Variants in CLEC2A observed in about 807,000 individuals in gnomAD.
The protein encoded by CLEC2A is C-type lectin domain family 2 member A.
In CLEC2A, 19 loss-of-function variants were observed where a neutral mutation model predicts 18.6. That is an observed-to-expected ratio of 1.02 (90% CI 0.71 to 1.50). CLEC2A has a LOEUF of 1.50. Ranked by LOEUF, CLEC2A falls within the 40% of genes most tolerant of loss-of-function variation. The pLI is 0.00. For missense variants in CLEC2A, 190 were observed against 207.9 expected (o/e 0.91, Z 0.53); for synonymous variants, 74 against 64.0 (o/e 1.16, Z -0.75).
At chr12:9,910,728 G>C (rs1862972047), downstream of CLEC2A, among the ~76,000 whole-genome samples, 1 of 126,582 alleles carries the variant, frequency 7.9e-6, no homozygotes, top group East Asian at 1.9e-4. Flanking sequence ...TGCCGTGGTA[G>C]GTAGGTAAGA....
chr12:9,890,642 A>G, the CLEC2A span, among the ~76,000 whole-genome samples: 3 of 152,344 alleles, frequency 2.0e-5, no homozygotes, highest in Non-Finnish European at 4.4e-5. Context: ...ATGGACTTAC[A>G]TCTGATTAAG....
At position 9,913,470 on chromosome 12, in the gene CLEC2A, G is replaced by C; in HGVS notation, c.*96C>G. On this transcript the variant is annotated 3_prime_UTR_variant, in exon 5 of 5. Transcript: ENST00000455827. ...AAAATGGGCCCTCACCAGAGGTTCC[G>C]TATTCTGTAACAGAATAAGTGAGAA... The C allele has an allele frequency of 6.9e-7, 1 of 1,453,844 alleles. No homozygotes were observed. Among genetic ancestry groups the C allele is most frequent in the Non-Finnish European group, 9.0e-7 (1 of 1,110,774 alleles). 90.1% of individuals were successfully genotyped at this position (1,453,844 alleles called of 1,614,324 possible).
At chr12:9,922,900 C>T (rs1356178868) in intron 2 of CLEC2A, among the ~76,000 whole-genome samples, 17 of 152,188 alleles carry the variant, frequency 1.1e-4, no homozygotes, top group Admixed American at 1.1e-3. Flanking sequence ...CCAAAGGCTG[C>T]ACCCCCTACT....
chr12:9,881,968 C>T, the CLEC2A span, among the ~76,000 whole-genome samples: 62 of 151,946 alleles, frequency 4.1e-4, no homozygotes, highest in African/African-American at 1.5e-3. Context: ...CTTCCTCCTA[C>T]AAAACTTAAA....
At position 9,913,515 on chromosome 12, in the gene CLEC2A, G is replaced by C; in HGVS notation, c.*51C>G. 6.6e-7 allele frequency: 1 copy of C among 1,517,354 alleles called. No individual in the cohort carries two copies. Among genetic ancestry groups the C allele is most frequent in the South Asian group, 1.3e-5 (1 of 79,190 alleles). 94.0% of individuals were successfully genotyped at this position (1,517,354 alleles called of 1,614,324 possible). ...TGAGAAAGCCACTTTTGCATAATTA[G>C]CTCTTCTTTCAATCTTGAAGTGTGA... On this transcript the variant is annotated 3_prime_UTR_variant, in exon 5 of 5. Coordinates refer to ENST00000455827, the MANE Select transcript of CLEC2A (RefSeq NM_001130711.2).
exon 5 of CLEC2A, chr12:9,898,943 G>C: frequency 2.8e-6 from 2 of 716,178 alleles, no homozygotes. Flanking sequence ...ATTGTCGGAG[G>C]CTCCAGTTGC....
At chr12:9,926,626 A>T (rs569708538) in intron 1 of CLEC2A, among the ~76,000 whole-genome samples, 9 of 152,330 alleles carry the variant, frequency 5.9e-5, no homozygotes, top group East Asian at 5.8e-4. Context: ...TAAAAGGTAG[A>T]AATAGTTTGA....
chr12:9,917,891 T>G (rs1284601719), intron 3 of CLEC2A, among the ~76,000 whole-genome samples: 1 of 152,180 alleles, frequency 6.6e-6, no homozygotes. Context: ...GTTGGTGAAA[T>G]GTATGTCTTC....
downstream of CLEC2A, among the ~76,000 whole-genome samples, chr12:9,911,723 C>T (rs1460950458): frequency 6.6e-6 from 1 of 152,146 alleles, no homozygotes; most frequent in Non-Finnish European, 1.5e-5. Context: ...AATTAGAGCT[C>T]TTTTTGTAAA....
At chr12:9,888,127 A>G in the CLEC2A span, among the ~76,000 whole-genome samples, 367 of 151,664 alleles carry the variant, frequency 2.4e-3, 1 homozygote, top group Non-Finnish European at 3.3e-3. Context: ...ATGTCAATTA[A>G]AAAGTCCAGT....
chr12:9,917,033 C>T (rs1471328675), intron 3 of CLEC2A, among the ~76,000 whole-genome samples: 1 of 152,128 alleles, frequency 6.6e-6, no homozygotes, highest in African/African-American at 2.4e-5. Context: ...TGGGCTACAA[C>T]CAAGTCATTG....
intron 2 of CLEC2A, among the ~76,000 whole-genome samples, chr12:9,923,326 A>T (rs1863205074): frequency 6.6e-6 from 1 of 152,230 alleles, no homozygotes; most frequent in African/African-American, 2.4e-5. Flanking sequence ...CACAGGAAAA[A>T]ACGCTCATCA....
chr12:9,897,221 A>T (rs1273143328), downstream of CLEC2A, among the ~76,000 whole-genome samples: 1 of 152,134 alleles, frequency 6.6e-6, no homozygotes, highest in Non-Finnish European at 1.5e-5. Context: ...GTTGTAGAAG[A>T]GATCTCTAGA....
intron 1 of CLEC2A, among the ~76,000 whole-genome samples, chr12:9,930,189 G>A (rs1376029404): frequency 6.6e-6 from 1 of 152,018 alleles, no homozygotes; most frequent in East Asian, 1.9e-4. Context: ...ATATGGATCC[G>A]TCTCTAAATT....
intron 3 of CLEC2A, among the ~76,000 whole-genome samples, chr12:9,920,090 G>T (rs1308955580): frequency 7.2e-5 from 11 of 152,224 alleles, no homozygotes; most frequent in Non-Finnish European, 1.3e-4. Flanking sequence ...TCTGGGAGCT[G>T]TTTCAGGGAG....
the CLEC2A span, chr12:9,881,798 T>C: frequency 2.9e-6 from 2 of 685,506 alleles, no homozygotes; most frequent in Non-Finnish European, 4.8e-6. Flanking sequence ...AATTGTCTGT[T>C]AGATTATTTA....
intron 1 of CLEC2A, among the ~76,000 whole-genome samples, chr12:9,928,303 T>TA (rs1163156622): frequency 2.0e-5 from 3 of 152,004 alleles, no homozygotes; most frequent in African/African-American, 7.2e-5. Context: ...CCTTCTCTAC[T>TA]AAAAACACAA....
At chr12:9,890,180 G>A in the CLEC2A span, among the ~76,000 whole-genome samples, 8 of 152,046 alleles carry the variant, frequency 5.3e-5, no homozygotes, top group Non-Finnish European at 8.8e-5. Context: ...CTAAAGGCTC[G>A]TTTTGCTTAA....
At chr12:9,879,187 G>T in the CLEC2A span, among the ~76,000 whole-genome samples, 1 of 152,092 alleles carries the variant, frequency 6.6e-6, no homozygotes, top group Non-Finnish European at 1.5e-5. Flanking sequence ...AACAAAAAAG[G>T]ATATTTCACT....
Sources: allele counts gnomAD v4.1 joint callset (sites outside exome capture counted in the v4.1 genomes callset), GRCh38; gene constraint gnomAD v4.1.1; transcripts MANE v1.5; gene names NCBI Gene and HGNC (gene_info 2026-07-23, HGNC 2026-07-21).